Variants in SCFD1 observed in about 807,000 individuals in gnomAD.
SCFD1 encodes the protein sec1 family domain containing 1, also known as sec1 family domain-containing protein 1.
In SCFD1, 37 loss-of-function variants were observed where a neutral mutation model predicts 103.2. The observed-to-expected ratio is 0.36, with a 90% CI of 0.28 to 0.47. The LOEUF (loss-of-function observed/expected upper bound fraction) is 0.47. Ranked by LOEUF, SCFD1 falls within the 20% of genes least tolerant of loss-of-function variation. The pLI is 1.00. For synonymous variants in SCFD1, 264 were observed against 245.0 expected, an observed-to-expected ratio of 1.08 and a Z score of -0.73; for missense variants, 639 against 761.2, an observed-to-expected ratio of 0.84 and a Z score of 1.89.
intron 16 of SCFD1, among the ~76,000 whole-genome samples, chr14:30,700,730 G>A (rs990236028): frequency 1.4e-4 from 22 of 152,110 alleles, no homozygotes; most frequent in African/African-American, 5.1e-4. Flanking sequence ...TCTATGTACT[G>A]CTGTGTTTTA....
intron 10 of SCFD1, among the ~76,000 whole-genome samples, chr14:30,665,382 C>T (rs230355): frequency 6.6e-6 from 1 of 152,102 alleles, no homozygotes; most frequent in Non-Finnish European, 1.5e-5. Context: ...TACAAGAGCT[C>T]CTGAAGGAAG....
intron 19 of SCFD1, among the ~76,000 whole-genome samples, chr14:30,708,805 TTTTC>T (rs1157579941): frequency 2.6e-5 from 4 of 152,176 alleles, no homozygotes; most frequent in African/African-American, 7.2e-5. Flanking sequence ...CGATTTCGCA[TTTTC>T]TTTCTTTTAG....
chr14:30,734,672 T>C, intron 23 of SCFD1, 118 bp from the exon 24 acceptor site: 2 of 764,554 alleles, frequency 2.6e-6, no homozygotes, highest in Non-Finnish European at 4.5e-6. Context: ...AATCCAACAG[T>C]ATCCCAAAGA....
intron 19 of SCFD1, among the ~76,000 whole-genome samples, chr14:30,708,567 A>G (rs1458892149): frequency 6.6e-6 from 1 of 152,166 alleles, no homozygotes; most frequent in Non-Finnish European, 1.5e-5. Context: ...GACTTTACTT[A>G]CATTTTGATT....
chr14:30,724,902 A>G (rs962273870), intron 23 of SCFD1, among the ~76,000 whole-genome samples: 6 of 152,116 alleles, frequency 3.9e-5, no homozygotes, highest in Non-Finnish European at 1.5e-5. Flanking sequence ...TTTTCTGCAT[A>G]TGGCTAGCCA....
Position 30,650,605 on chromosome 14 carries a change from G to A in SCFD1, c.710G>A (p.Arg237Lys). 1.2e-6 allele frequency: 2 copies of A among 1,610,698 alleles called. No individual in the cohort carries two copies. The highest frequency in any genetic ancestry group is 1.7e-6 in the Non-Finnish European group (2 of 1,177,424). The change falls in exon 9 of 25, where the codon AGA (arginine) becomes AAA (lysine). Residue 237 changes from arginine to lysine, a missense_variant. Arg to Lys is a conservative substitution (Grantham distance 26). Transcript: ENST00000458591. ...CTTCGAGAAAATCTAAGAGATGCAA[G>A]AAACAGTCTTTTTACAGGTGATACA... ...KKLRENLRDA[R>K]NSLFTGDTLG...
intron 5 of SCFD1, among the ~76,000 whole-genome samples, chr14:30,639,234 A>G (rs1885033539): frequency 6.6e-6 from 1 of 151,782 alleles, no homozygotes; most frequent in East Asian, 1.9e-4. Flanking sequence ...CAGTCCTCCC[A>G]CCTCAGCCTC....
At position 30,658,867 on chromosome 14, in the gene SCFD1, C is replaced by G. The variant is rs74546356; in HGVS notation, c.855+5279C>G. On this transcript the variant is annotated intron_variant, in intron 10 of 24. Coordinates refer to ENST00000458591, the MANE Select transcript of SCFD1 (RefSeq NM_016106.4). ...TCTAATCTTTATTAACACAAAACCTCTTGGTCAGCACTATGTAGCCTAATT... is the reference window on the plus strand; with the variant it reads ...TCTAATCTTTATTAACACAAAACCTGTTGGTCAGCACTATGTAGCCTAATT... Among the ~76,000 whole-genome samples the G allele has an allele frequency of 6.0e-3, 913 of 152,302 alleles. 3 individuals are homozygous for G. Among genetic ancestry groups the G allele is most frequent in the Middle Eastern group, 0.014 (4 of 294 alleles).
intron 7 of SCFD1, among the ~76,000 whole-genome samples, chr14:30,646,532 TGAA>T (rs1448349401): frequency 2.6e-5 from 4 of 152,180 alleles, no homozygotes; most frequent in Non-Finnish European, 4.4e-5. Flanking sequence ...AATATTCTGT[TGAA>T]GATTTTTGCA....
At chr14:30,684,825 TATA>T (rs1889836313) in intron 14 of SCFD1, among the ~76,000 whole-genome samples, 1 of 136,636 alleles carries the variant, frequency 7.3e-6, no homozygotes, top group South Asian at 2.4e-4. Flanking sequence ...TTTTTTTTAT[TATA>T]CTCTAAGTTT....
chr14:30,630,357 G>T, intron 2 of SCFD1, 120 bp from the exon 3 acceptor site: 4 of 672,364 alleles, frequency 5.9e-6, no homozygotes, highest in Non-Finnish European at 1.1e-5. Flanking sequence ...TTAAATTGAG[G>T]CAAGGATAAC....
intron 5 of SCFD1, 112 bp downstream of exon 5, chr14:30,638,359 TG>T: frequency 7.0e-7 from 1 of 1,438,620 alleles, no homozygotes. Context: ...ACAACAGAAT[TG>T]TTTAGGCTCA....
chr14:30,622,544 G>A, intron 1 of SCFD1, 145 bp downstream of exon 1: 5 of 1,378,568 alleles, frequency 3.6e-6, no homozygotes, highest in Non-Finnish European at 4.8e-6. Flanking sequence ...TGAGTTTTTG[G>A]GGAGAAGTTG....
intron 19 of SCFD1, among the ~76,000 whole-genome samples, chr14:30,713,770 T>C (rs1041835142): frequency 6.6e-6 from 1 of 152,120 alleles, no homozygotes; most frequent in Admixed American, 6.5e-5. Context: ...AATAGAGAAA[T>C]TGATATAAAG....
intron 19 of SCFD1, among the ~76,000 whole-genome samples, chr14:30,714,247 G>A (rs1164000102): frequency 5.9e-5 from 9 of 151,642 alleles, no homozygotes; most frequent in Admixed American, 2.6e-4. Flanking sequence ...CCAGCTACTC[G>A]GGAGGCTGAG....
At chr14:30,724,900 A>G (rs550398436) in intron 23 of SCFD1, among the ~76,000 whole-genome samples, 3 of 152,296 alleles carry the variant, frequency 2.0e-5, no homozygotes, top group South Asian at 2.1e-4. Context: ...AGTTTTCTGC[A>G]TATGGCTAGC....
intron 7 of SCFD1, among the ~76,000 whole-genome samples, chr14:30,644,598 T>C (rs1422814395): frequency 2.6e-5 from 4 of 152,154 alleles, no homozygotes; most frequent in African/African-American, 9.7e-5. Context: ...CTCTAATGAT[T>C]AGTGATGTTG....
At chr14:30,716,026 TG>T in intron 20 of SCFD1, 49 bp downstream of exon 20, 1 of 999,220 alleles carries the variant, frequency 1.0e-6, no homozygotes, top group Non-Finnish European at 1.6e-6. Flanking sequence ...TGTGTCAAAC[TG>T]ACTAGTATGA....
At chr14:30,701,810 G>GA (rs757352655) in intron 16 of SCFD1, among the ~76,000 whole-genome samples, 45 of 145,254 alleles carry the variant, frequency 3.1e-4, no homozygotes, top group East Asian at 3.0e-3. Flanking sequence ...AAGGAAGAGT[G>GA]AAAAAAAAAA....
Sources: allele counts gnomAD v4.1 joint callset (sites outside exome capture counted in the v4.1 genomes callset), GRCh38; gene constraint gnomAD v4.1.1; transcripts MANE v1.5; gene names NCBI Gene and HGNC (gene_info 2026-07-23, HGNC 2026-07-21).